TCTN1: variants seen among roughly 807,000 people sequenced by gnomAD.
TCTN1 encodes tectonic-1.
A neutral mutation model predicts 65.8 loss-of-function variants in TCTN1; 58 were observed. The ratio of observed to expected loss-of-function variants is 0.88; its 90% CI spans 0.71 to 1.10. The LOEUF (loss-of-function observed/expected upper bound fraction) is 1.10. Ranked by LOEUF, TCTN1 falls within the 50% of genes least tolerant of loss-of-function variation. The pLI is 0.00. For synonymous variants in TCTN1, 273 were observed against 289.1 expected (o/e 0.94, Z 0.57); for missense variants, 645 against 719.4 (o/e 0.90, Z 1.18).
intron 11 of TCTN1, among the ~76,000 whole-genome samples, chr12:110,642,674 C>T (rs1197703139): frequency 6.6e-6 from 1 of 152,040 alleles, no homozygotes. Flanking sequence ...CATTATAGCT[C>T]ACTGCAGCCC....
intron 3 of TCTN1, chr12:110,628,216 T>C (rs781118176): frequency 1.9e-4 from 294 of 1,535,820 alleles, no homozygotes; most frequent in Middle Eastern, 1.7e-4. Flanking sequence ...TCTGTTGTGC[T>C]GTTTACTTGT....
intron 9 of TCTN1, 96 bp downstream of exon 9, chr12:110,641,245 C>A: frequency 1.3e-6 from 2 of 1,539,260 alleles, no homozygotes; most frequent in South Asian, 1.1e-5. Flanking sequence ...AGTATTACAT[C>A]CAAGCCTTTG....
At chr12:110,633,648 A>G (rs1039734895) in intron 5 of TCTN1, among the ~76,000 whole-genome samples, 2 of 152,016 alleles carry the variant, frequency 1.3e-5, no homozygotes, top group Non-Finnish European at 2.9e-5. Context: ...AAGAAAAAAA[A>G]AAAAGAAAAC....
intron 2 of TCTN1, among the ~76,000 whole-genome samples, chr12:110,623,060 C>A (rs939891624): frequency 6.6e-6 from 1 of 152,140 alleles, no homozygotes; most frequent in African/African-American, 2.4e-5. Context: ...ATCACTCTAG[C>A]CCTCGTGGTC....
At position 110,645,131 on chromosome 12, in the gene TCTN1, T is replaced by TA; in HGVS notation, c.1494+5dup. The TA allele has an allele frequency of 6.2e-7, 1 of 1,613,654 alleles. No individual in the cohort carries two copies. The highest frequency in any genetic ancestry group is 1.1e-5 in the South Asian group (1 of 91,052). On this transcript the variant is annotated splice_region_variant and intron_variant, in intron 12 of 14. Coordinates refer to ENST00000397659, the MANE Select transcript of TCTN1 (RefSeq NM_001082538.3). ...ATCACCCAGTCATTCAACAGGAAGG[T>TA]AAAGGGGAGAAGGTACAGGTTCCAT...
At chr12:110,620,940 G>A (rs2065384203) in intron 2 of TCTN1, among the ~76,000 whole-genome samples, 1 of 151,768 alleles carries the variant, frequency 6.6e-6, no homozygotes, top group South Asian at 2.1e-4. Flanking sequence ...AGCCTCCTGA[G>A]TAGCTGGGAC....
intron 3 of TCTN1, among the ~76,000 whole-genome samples, chr12:110,627,011 A>T (rs1465238917): frequency 6.6e-6 from 1 of 150,658 alleles, no homozygotes. Flanking sequence ...ACCTCAGGTG[A>T]TCCACCTGCC....
At position 110,647,421 on chromosome 12, in the gene TCTN1, T is replaced by C. The variant is rs771836859; in HGVS notation, c.1635+85T>C. On this transcript the variant is annotated intron_variant, in intron 13 of 14. Transcript: ENST00000397659. The stretch of plus-strand genomic sequence containing the variant: ...GTGGTAGGTGACAGGTATTACTTTG[T>C]GAAAAAGATTATAATTTAAACCATG... The C allele has an allele frequency of 5.8e-5, 90 of 1,545,522 alleles. 1 individual carries two copies. The highest frequency in any genetic ancestry group is 5.6e-4 in the Middle Eastern group (3 of 5,348).
In TCTN1 at chr12:110,642,294, T is replaced by C; in HGVS notation, c.1236T>C (p.Ile412=). 6.2e-7 allele frequency: 1 copy of C among 1,614,220 alleles called. No homozygotes were observed. The highest frequency in any genetic ancestry group is 8.5e-7 in the Non-Finnish European group (1 of 1,180,042). ...QTTNRYGQLT[I]LHSTTEQDCL... ...CAAATAGATATGGACAGCTTACTAT[T>C]CTTCATAGCACAACTGAGCAAGACT... Residue 412 remains isoleucine, a synonymous_variant, in exon 11 of 15, where the codon ATT becomes ATC. Coordinates refer to ENST00000397659, the MANE Select transcript of TCTN1 (RefSeq NM_001082538.3).
At chr12:110,627,210 G>A (rs2065916537) in intron 3 of TCTN1, among the ~76,000 whole-genome samples, 1 of 148,926 alleles carries the variant, frequency 6.7e-6, no homozygotes, top group African/African-American at 2.5e-5. Context: ...TGATTCTCCT[G>A]CCTCAGCCTC....
intron 2 of TCTN1, among the ~76,000 whole-genome samples, chr12:110,624,227 G>A (rs2065665016): frequency 6.6e-6 from 1 of 151,358 alleles, no homozygotes; most frequent in South Asian, 2.1e-4. Flanking sequence ...CAGCCTCTAT[G>A]TTTTTTTGAG....
intron 10 of TCTN1, 150 bp downstream of exon 10, chr12:110,641,777 G>C (rs531610049): frequency 2.1e-5 from 16 of 768,508 alleles, no homozygotes; most frequent in Middle Eastern, 3.6e-4. Context: ...TCTGGTGGGC[G>C]GCCAGTCTGG....
In TCTN1 at chr12:110,636,508, GTATT is replaced by G. The variant is rs775925984; in HGVS notation, c.843+17_843+20del. On this transcript the variant is annotated splice_region_variant and intron_variant, in intron 7 of 14. Transcript: ENST00000397659. ...ACCTGATTCAAGAAAAAAGGTAAGA[GTATT>G]TATTTATTTTTGTAATAGAAAGTAG... is the stretch of plus-strand genomic sequence containing the variant. 2.0e-5 allele frequency: 26 copies of G among 1,328,794 alleles called. No homozygotes were observed. Among genetic ancestry groups the G allele is most frequent in the Non-Finnish European group, 2.7e-5 (25 of 934,818 alleles). 82.3% of individuals were successfully genotyped at this position (1,328,794 alleles called of 1,614,324 possible). A position where few individuals can be genotyped will look rare whatever the true frequency, so the allele number is the denominator to read the frequency against.
rs751250484 is a variant in TCTN1, at chr12:110,614,244, G to T, written c.62G>T (p.Ser21Ile). 6.3e-7 allele frequency: 1 copy of T among 1,593,128 alleles called. No homozygotes were observed. The highest frequency in any genetic ancestry group is 8.5e-7 in the Non-Finnish European group (1 of 1,170,684). ...VVLLGCWASVSAQTDATPAVT... is the reference protein window; with the variant it reads ...VVLLGCWASVIAQTDATPAVT... ...CTCCTGGGCTGCTGGGCCTCCGTGAGCGCCCAGACCGATGCCACCCCGGCG... is the reference window on the plus strand; with the variant it reads ...CTCCTGGGCTGCTGGGCCTCCGTGATCGCCCAGACCGATGCCACCCCGGCG... The change falls in exon 1 of 15, where the codon AGC becomes ATC. Residue 21 changes from serine to isoleucine, a missense_variant. Coordinates refer to ENST00000397659, the MANE Select transcript of TCTN1 (RefSeq NM_001082538.3).
chr12:110,641,666 C>G (rs1156786233), intron 10 of TCTN1, 39 bp downstream of exon 10: 2 of 1,583,032 alleles, frequency 1.3e-6, no homozygotes, highest in Admixed American at 1.7e-5. Context: ...ATTTATTTCT[C>G]TCTCCATGTG....
chr12:110,624,884 G>A (rs1274286604), intron 2 of TCTN1, among the ~76,000 whole-genome samples: 1 of 152,082 alleles, frequency 6.6e-6, no homozygotes, highest in Non-Finnish European at 1.5e-5. Context: ...GCCTGGTCCT[G>A]TACCATAACT....
chr12:110,636,918 C>G (rs542232843), intron 7 of TCTN1, among the ~76,000 whole-genome samples: 1 of 152,256 alleles, frequency 6.6e-6, no homozygotes, highest in Admixed American at 6.5e-5. Context: ...AGGCGTGCCC[C>G]GTGGTATACC....
At chr12:110,623,676 G>T (rs2065610157) in intron 2 of TCTN1, among the ~76,000 whole-genome samples, 1 of 152,116 alleles carries the variant, frequency 6.6e-6, no homozygotes, top group Non-Finnish European at 1.5e-5. Context: ...CTGTAACCTT[G>T]CTCCTGGGCT....
chr12:110,616,141 T>G (rs1322837724), intron 1 of TCTN1: 1 of 258,148 alleles, frequency 3.9e-6, no homozygotes, highest in Non-Finnish European at 8.3e-6. Context: ...ACTCCATCTG[T>G]TAATGCATTT....
Sources: gnomAD v4.1 joint callset for allele counts (sites outside exome capture counted in the v4.1 genomes callset) on GRCh38, gnomAD v4.1.1 for gene constraint, MANE v1.5 for transcripts, NCBI Gene and HGNC (gene_info 2026-07-23, HGNC 2026-07-21) for gene names.